PAN2: variants seen among roughly 807,000 people sequenced by gnomAD.
The protein encoded by PAN2 is poly(A) specific ribonuclease subunit PAN2.
A neutral mutation model predicts 133.3 loss-of-function variants in PAN2; 68 were observed. The ratio of observed to expected loss-of-function variants is 0.51; its 90% CI spans 0.42 to 0.62. PAN2 has a LOEUF of 0.62. Among genes scored for constraint, PAN2 ranks in the 20% least tolerant of loss-of-function variants. The pLI is 0.00. For synonymous variants in PAN2, 462 were observed against 544.6 expected, an observed-to-expected ratio of 0.85 and a Z score of 2.11; for missense variants, 1,042 against 1,500.5, an observed-to-expected ratio of 0.69 and a Z score of 5.05.
intron 24 of PAN2, among the ~76,000 whole-genome samples, chr12:56,318,760 G>A (rs1192187563): frequency 1.3e-5 from 2 of 151,832 alleles, no homozygotes; most frequent in Non-Finnish European, 2.9e-5. Context: ...TGGGTGTATC[G>A]TGTACTGGTG....
chr12:56,324,897 A>C, intron 10 of PAN2, 112 bp downstream of exon 10: 1 of 1,406,380 alleles, frequency 7.1e-7, no homozygotes, highest in Non-Finnish European at 9.7e-7. Context: ...TGTAGAGGAG[A>C]CCATGGTAAA....
chr12:56,328,343 C>T lies in PAN2; in HGVS notation c.468G>A (p.Glu156=), dbSNP rs767986363. 25 of 1,601,260 alleles carry T rather than the reference C, an allele frequency of 1.6e-5. No homozygotes were observed. In the South Asian group the frequency reaches 2.6e-4, roughly 16 times the overall value. ...CAGTCAGTAGGAGACTGTGCATATC[C>T]TCATTCTCATCCAGCCTGGTGGGGA... ...IIFDYLLDEN[E]DMHSLLLTDS... The change falls in exon 4 of 26, where the codon GAG becomes GAA. Residue 156 remains glutamate, a synonymous_variant. Coordinates refer to ENST00000440411, the MANE Select transcript of PAN2 (RefSeq NM_014871.6).
chr12:56,325,974 G>A (rs1384513528), intron 8 of PAN2, among the ~76,000 whole-genome samples: 1 of 152,122 alleles, frequency 6.6e-6, no homozygotes, highest in Non-Finnish European at 1.5e-5. Flanking sequence ...TTAATACCCA[G>A]CTCTTTCATT....
At chr12:56,328,110 A>G in intron 4 of PAN2, 38 bp from the exon 5 acceptor site, 1 of 1,611,970 alleles carries the variant, frequency 6.2e-7, no homozygotes, top group Non-Finnish European at 8.5e-7. Flanking sequence ...GAGAAGAATG[A>G]TTTTTCCCAC....
At position 56,322,498 on chromosome 12, in the gene PAN2, G is replaced by A. The variant is rs1178794582; in HGVS notation, c.2638-16C>T. On this transcript the variant is annotated splice_polypyrimidine_tract_variant and intron_variant, in intron 18 of 25. Transcript: ENST00000440411. ...GAGTAACGCCCTATGGAAATACAAA[G>A]AAAGCCTGTGGCGATACAAATTGAT... 5 of 1,613,492 alleles carry A rather than the reference G, an allele frequency of 3.1e-6. No homozygotes were observed. The highest frequency in any genetic ancestry group is 4.2e-6 in the Non-Finnish European group (5 of 1,179,404).
At chr12:56,324,250 G>C (rs764348390) in intron 12 of PAN2, 44 bp downstream of exon 12, 43 of 1,610,324 alleles carry the variant, frequency 2.7e-5, no homozygotes, top group Admixed American at 3.3e-5. Context: ...ATCACAGAGG[G>C]GCCTGTCATG....
At chr12:56,320,090 G>C in intron 20 of PAN2, 69 bp from the exon 21 acceptor site, 1 of 1,475,114 alleles carries the variant, frequency 6.8e-7, no homozygotes, top group African/African-American at 1.4e-5. Flanking sequence ...AGCCCAGTGT[G>C]GCTGATCATC....
chr12:56,333,289 G>A, intron 1 of PAN2, 81 bp from the exon 2 acceptor site: 2 of 595,134 alleles, frequency 3.4e-6, no homozygotes, highest in South Asian at 2.0e-5. Context: ...GGGGGCAGGA[G>A]GGAGATGAGG....
Position 56,333,224 on chromosome 12 carries a change from G to A in PAN2, c.-114-16C>T, listed in dbSNP as rs1325266232. ...ACATCCTGGCCTGTAAGGGGAAAGA[G>A]GTAGCTGAGTCAAGGGTAGGCCCAG... On this transcript the variant is annotated splice_polypyrimidine_tract_variant and intron_variant, in intron 1 of 25. Transcript: ENST00000440411. 2.1e-6 allele frequency: 2 copies of A among 954,094 alleles called. No homozygotes were observed. The highest frequency in any genetic ancestry group is 3.1e-6 in the Non-Finnish European group (2 of 636,852). 59.1% of individuals were successfully genotyped at this position (954,094 alleles called of 1,614,324 possible).
chr12:56,331,839 G>T (rs188105391), intron 2 of PAN2, among the ~76,000 whole-genome samples: 9 of 151,744 alleles, frequency 5.9e-5, no homozygotes, highest in African/African-American at 1.9e-4. Flanking sequence ...TCAGCCTTCC[G>T]AGTAGCTGGG....
Position 56,323,310 on chromosome 12 carries a change from C to A in PAN2, c.2345+1G>T. 1 of 1,614,094 alleles carries A rather than the reference C, an allele frequency of 6.2e-7. No homozygotes were observed. ...TTGACAACTCCCAAGACAGCACCTA[C>A]CAATCAGCCAAAGCAAATTCCTTGT... On this transcript the variant is annotated splice_donor_variant, in intron 16 of 25. Transcript: ENST00000440411. LOFTEE classifies it high-confidence loss of function.
intron 2 of PAN2, among the ~76,000 whole-genome samples, chr12:56,331,701 T>G (rs964928958): frequency 8.9e-5 from 2 of 22,386 alleles, no homozygotes; most frequent in African/African-American, 1.2e-4. Flanking sequence ...AAGGACAGCG[T>G]TTTTTTTTTT....
At chr12:56,322,195 C>CTAA in intron 19 of PAN2, 27 bp from the exon 20 acceptor site, 1 of 1,373,344 alleles carries the variant, frequency 7.3e-7, no homozygotes, top group Non-Finnish European at 1.0e-6. Context: ...GCACTTATGG[C>CTAA]TAATGTATAT....
At position 56,323,881 on chromosome 12, in the gene PAN2, C is replaced by G; in HGVS notation, c.2098G>C (p.Val700Leu). 1 of 1,614,138 alleles carries G rather than the reference C, an allele frequency of 6.2e-7. No homozygotes were observed. The highest frequency in any genetic ancestry group is 2.2e-5 in the East Asian group (1 of 44,884). The change falls in exon 14 of 26, where the codon GTG becomes CTG. Residue 700 changes from valine (V) to leucine (L), a missense_variant. Around this residue, in one of 3 missense-constraint regions of PAN2, gnomAD observed 908 missense variants for 1,223.5 expected, o/e 0.74. Transcript: ENST00000440411. ...TCCAGGCAGATGCTTCGCTTCAGCA[C>G]CTGAGCAAAGTCATAGTTCTTCCCA... is the stretch of plus-strand genomic sequence containing the variant. ...KTGKNYDFAQVLKRSICLDQN... is the reference protein window; with the variant it reads ...KTGKNYDFAQLLKRSICLDQN...
chr12:56,325,954 C>A (rs958918027), intron 8 of PAN2, among the ~76,000 whole-genome samples: 1 of 152,222 alleles, frequency 6.6e-6, no homozygotes, highest in Admixed American at 6.5e-5. Context: ...TGATATCCCA[C>A]CTTTCCAGCT....
At chr12:56,322,875 T>A (rs1874715371) in intron 17 of PAN2, 117 bp from the exon 18 acceptor site, 1 of 1,282,760 alleles carries the variant, frequency 7.8e-7, no homozygotes, top group African/African-American at 1.5e-5. Context: ...GTGGGTTATC[T>A]CCATCCTAGC....
At chr12:56,329,575 C>A (rs906986853) in intron 2 of PAN2, among the ~76,000 whole-genome samples, 2 of 151,826 alleles carry the variant, frequency 1.3e-5, no homozygotes, top group Non-Finnish European at 2.9e-5. Context: ...AGGTGATCCA[C>A]CTGCCTCGGC....
intron 17 of PAN2, 69 bp from the exon 18 acceptor site, chr12:56,322,827 G>A (rs1874706885): frequency 2.0e-6 from 3 of 1,526,636 alleles, no homozygotes; most frequent in African/African-American, 1.4e-5. Context: ...TGGGGACAGA[G>A]GACAGGGAGT....
intron 8 of PAN2, among the ~76,000 whole-genome samples, chr12:56,325,990 T>A (rs1462988465): frequency 6.6e-6 from 1 of 152,240 alleles, no homozygotes; most frequent in Non-Finnish European, 1.5e-5. Context: ...TCATTACACC[T>A]TCCTTGGTCA....
Sources: gnomAD v4.1 joint callset for allele counts (sites outside exome capture counted in the v4.1 genomes callset) on GRCh38, gnomAD v4.1.1 for gene constraint, gnomAD v4.1.1 regional missense constraint, MANE v1.5 for transcripts, NCBI Gene and HGNC (gene_info 2026-07-23, HGNC 2026-07-21) for gene names.